The following ACTR2 variants were observed in gnomAD, a reference collection of about 807,000 sequenced individuals.
ACTR2 encodes actin related protein 2, also known as actin-related protein 2.
Under a neutral mutation model 50.2 loss-of-function variants are expected in ACTR2, and 5 were observed. The ratio of observed to expected loss-of-function variants is 0.10; its 90% CI spans 0.05 to 0.21. ACTR2 has a LOEUF of 0.21. Among genes scored for constraint, ACTR2 ranks in the 10% least tolerant of loss-of-function variants. The pLI is 1.00. For synonymous variants in ACTR2, 140 were observed against 162.9 expected (o/e 0.86, Z 1.07); for missense variants, 180 against 480.6 (o/e 0.37, Z 5.85).
At chr2:65,260,056 CT>C (rs1672237445) in intron 6 of ACTR2, among the ~76,000 whole-genome samples, 1 of 152,066 alleles carries the variant, frequency 6.6e-6, no homozygotes, top group Non-Finnish European at 1.5e-5. Context: ...ACAGAATTGC[CT>C]AATAAAAATA....
At chr2:65,251,815 A>G (rs1401967967) in intron 4 of ACTR2, among the ~76,000 whole-genome samples, 1 of 152,180 alleles carries the variant, frequency 6.6e-6, no homozygotes, top group Non-Finnish European at 1.5e-5. Context: ...GTGCATTTCT[A>G]ACTTTTGAGG....
intron 1 of ACTR2, among the ~76,000 whole-genome samples, chr2:65,235,951 A>G (rs180698867): frequency 6.6e-6 from 1 of 152,324 alleles, no homozygotes; most frequent in East Asian, 1.9e-4. Flanking sequence ...AAGGATAGGA[A>G]TTGAGGTGGC....
chr2:65,239,313 G>C (rs1300702542), intron 1 of ACTR2, among the ~76,000 whole-genome samples: 1 of 152,136 alleles, frequency 6.6e-6, no homozygotes, highest in African/African-American at 2.4e-5. Context: ...AATTAGCTGG[G>C]CTTAGTGGCG....
intron 3 of ACTR2, among the ~76,000 whole-genome samples, chr2:65,250,525 T>C (rs1418273646): frequency 6.7e-6 from 1 of 150,300 alleles, no homozygotes; most frequent in Non-Finnish European, 1.5e-5. Context: ...ATACAAAAAT[T>C]AGCCAGGCAT....
At chr2:65,260,485 G>A (rs911530388) in intron 6 of ACTR2, among the ~76,000 whole-genome samples, 2 of 152,230 alleles carry the variant, frequency 1.3e-5, no homozygotes, top group East Asian at 1.9e-4. Flanking sequence ...CAGCCTGGGC[G>A]ACAAGAGAAA....
intron 6 of ACTR2, among the ~76,000 whole-genome samples, chr2:65,256,451 A>G (rs1179262717): frequency 2.0e-5 from 3 of 152,202 alleles, no homozygotes; most frequent in Non-Finnish European, 4.4e-5. Context: ...CTCATCTTTG[A>G]TCTAGTTATT....
chr2:65,240,389 C>G (rs1297262754), intron 2 of ACTR2, among the ~76,000 whole-genome samples: 1 of 152,106 alleles, frequency 6.6e-6, no homozygotes, highest in East Asian at 1.9e-4. Context: ...GATCCCTCTA[C>G]TTTTTTATAT....
chr2:65,256,415 T>C (rs268870), intron 6 of ACTR2, among the ~76,000 whole-genome samples: 129,799 of 152,154 alleles, frequency 0.85, 55,495 homozygotes, highest in Middle Eastern at 0.9. Flanking sequence ...CTATTAAATT[T>C]GTCTGAGTAT....
chr2:65,247,135 G>C (rs1417224744), intron 3 of ACTR2, among the ~76,000 whole-genome samples: 3 of 151,966 alleles, frequency 2.0e-5, no homozygotes, highest in African/African-American at 7.3e-5. Context: ...AGCAATGCAG[G>C]GGTTAGGGGC....
chr2:65,228,111 G>C, intron 1 of ACTR2, 154 bp downstream of exon 1: 1 of 611,940 alleles, frequency 1.6e-6, no homozygotes, highest in South Asian at 3.6e-5. Context: ...GTGGGAGCGA[G>C]CCGGCCGTTC....
At chr2:65,242,339 T>G (rs1671854550) in intron 2 of ACTR2, among the ~76,000 whole-genome samples, 1 of 148,992 alleles carries the variant, frequency 6.7e-6, no homozygotes, top group South Asian at 2.1e-4. Context: ...AATGTTATAA[T>G]TAAAATGGAA....
chr2:65,260,727 AC>A (rs1282282623), intron 6 of ACTR2, among the ~76,000 whole-genome samples: 52 of 140,228 alleles, frequency 3.7e-4, no homozygotes, highest in Non-Finnish European at 6.1e-4. Flanking sequence ...GGCGTGGCAT[AC>A]CTTTTTTTTT....
chr2:65,265,230 G>C, intron 8 of ACTR2, 55 bp downstream of exon 8: 6 of 1,603,902 alleles, frequency 3.7e-6, no homozygotes, highest in Non-Finnish European at 5.1e-6. Context: ...CTATACAGTA[G>C]TTTGTGAATC....
At chr2:65,250,871 A>G (rs1331376409) in intron 3 of ACTR2, among the ~76,000 whole-genome samples, 156 bp from the exon 4 acceptor site, 2 of 152,132 alleles carry the variant, frequency 1.3e-5, no homozygotes, top group African/African-American at 2.4e-5. Flanking sequence ...CAGGACTTCA[A>G]TAAGAAATAA....
chr2:65,247,110 TC>T (rs551097570), intron 3 of ACTR2, among the ~76,000 whole-genome samples: 217 of 152,100 alleles, frequency 1.4e-3, no homozygotes, highest in Middle Eastern at 0.01. Context: ...AGGTGAGTGA[TC>T]CAGTTGACCC....
Position 65,253,806 on chromosome 2 carries a change from C to T in ACTR2, c.527C>T (p.Pro176Leu), listed in dbSNP as rs755810885. The T allele has an allele frequency of 6.2e-7, 1 of 1,613,126 alleles. No homozygotes were observed. The highest frequency in any genetic ancestry group is 1.7e-5 in the Admixed American group (1 of 59,986). ...CCAGTATATGAAGGCTTTTCTCTCC[C>T]TCATCTTACCAGGAGACTGGATATT... ...ICPVYEGFSL[P>L]HLTRRLDIAG... The change falls in exon 5 of 9, where the codon CCT (proline) becomes CTT (leucine). Residue 176 changes from proline to leucine, a missense_variant. By Grantham distance (98) the Pro-to-Leu change is moderately conservative. Coordinates refer to ENST00000260641, the MANE Select transcript of ACTR2 (RefSeq NM_005722.4).
intron 1 of ACTR2, among the ~76,000 whole-genome samples, chr2:65,229,649 G>C (rs1434699092): frequency 2.0e-5 from 3 of 151,048 alleles, no homozygotes; most frequent in African/African-American, 7.3e-5. Context: ...CCAGCTACTC[G>C]GTAGGCTGAG....
intron 3 of ACTR2, among the ~76,000 whole-genome samples, chr2:65,247,681 A>C (rs538040507): frequency 2.4e-4 from 36 of 152,304 alleles, no homozygotes; most frequent in African/African-American, 7.2e-4. Flanking sequence ...TTGTCTTCAC[A>C]CCGACGAAGA....
chr2:65,266,832 A>G (rs1217730272), intron 8 of ACTR2, among the ~76,000 whole-genome samples: 1 of 152,214 alleles, frequency 6.6e-6, no homozygotes, highest in East Asian at 1.9e-4. Context: ...GTGATACATT[A>G]TAGCAAGATG....
Sources: allele counts gnomAD v4.1 joint callset (sites outside exome capture counted in the v4.1 genomes callset), GRCh38; gene constraint gnomAD v4.1.1; transcripts MANE v1.5; gene names NCBI Gene and HGNC (gene_info 2026-07-23, HGNC 2026-07-21).